The following ZFHX3 variants were observed in gnomAD, a reference collection of about 807,000 sequenced individuals.
The protein encoded by ZFHX3 is zinc finger homeobox 3, also known as zinc finger homeobox protein 3.
Under a neutral mutation model 279.1 loss-of-function variants are expected in ZFHX3, and 42 were observed. That is an observed-to-expected ratio of 0.15 (90% CI 0.12 to 0.19). The LOEUF is 0.19. Ranked by LOEUF, ZFHX3 falls within the 10% of genes least tolerant of loss-of-function variation. ZFHX3 has a pLI of 1.00. For synonymous variants in ZFHX3, 2,293 were observed against 1,957.8 expected, an observed-to-expected ratio of 1.17 and a Z score of -4.52; for missense variants, 4,981 against 4,754.0, an observed-to-expected ratio of 1.05 and a Z score of -1.40.
chr16:73,484,615 G>A (rs1448785606), intron 2 of ZFHX3, among the ~76,000 whole-genome samples: 1 of 152,198 alleles, frequency 6.6e-6, no homozygotes. Context: ...CACCACGGTA[G>A]CAGGGAACTG....
At chr16:73,466,589 C>T (rs895591032) in intron 2 of ZFHX3, among the ~76,000 whole-genome samples, 6 of 151,964 alleles carry the variant, frequency 3.9e-5, no homozygotes, top group African/African-American at 1.2e-4. Flanking sequence ...TTTTCTTATC[C>T]GGAAAAGGGA....
At chr16:72,912,337 T>C (rs1240494929) in intron 3 of ZFHX3, among the ~76,000 whole-genome samples, 2 of 152,210 alleles carry the variant, frequency 1.3e-5, no homozygotes, top group African/African-American at 4.8e-5. Flanking sequence ...TGGGAGGCTT[T>C]AGAAAGACTG....
chr16:73,606,721 T>C (rs1052220124), intron 2 of ZFHX3, among the ~76,000 whole-genome samples: 11 of 152,114 alleles, frequency 7.2e-5, no homozygotes, highest in Non-Finnish European at 1.5e-4. Context: ...TACCTAATGC[T>C]CTCCCGCTAC....
At chr16:73,821,715 A>G (rs544509496) in intron 1 of ZFHX3, among the ~76,000 whole-genome samples, 1 of 152,304 alleles carries the variant, frequency 6.6e-6, no homozygotes, top group African/African-American at 2.4e-5. Flanking sequence ...ATTTGCCTGG[A>G]AATTTGCAGC....
At chr16:73,745,678 G>A (rs1242253153) in intron 1 of ZFHX3, among the ~76,000 whole-genome samples, 1 of 152,116 alleles carries the variant, frequency 6.6e-6, no homozygotes, top group Admixed American at 6.5e-5. Flanking sequence ...TTTTTACCAT[G>A]AACATGCCCT....
chr16:73,284,822 CT>C (rs1017904801), intron 4 of ZFHX3, among the ~76,000 whole-genome samples: 2 of 151,866 alleles, frequency 1.3e-5, no homozygotes, highest in Non-Finnish European at 2.9e-5. Context: ...GGCATATATT[CT>C]TTTTTTTCCC....
At position 73,140,778 on chromosome 16, in the gene ZFHX3, C is replaced by G. The variant is rs563274902; in HGVS notation, c.-1024+2974G>C. On this transcript the variant is annotated intron_variant, in intron 6 of 17. Coordinates refer to the ZFHX3 transcript ENST00000641206. ...CTGAGGCAGGAGAATCAATTGAACC[C>G]GGGAGGTGGAGGTTGCAGTGAGCTG... Among the ~76,000 whole-genome samples, 15 of 152,232 alleles carry G rather than the reference C, an allele frequency of 9.9e-5. No homozygotes were observed. In the East Asian group the frequency reaches 2.9e-3, roughly 29 times the overall value.
intron 2 of ZFHX3, among the ~76,000 whole-genome samples, chr16:73,602,842 G>T (rs1040668843): frequency 7.2e-6 from 1 of 139,078 alleles, no homozygotes; most frequent in African/African-American, 3.2e-5. Context: ...AGGTATTCGG[G>T]AGGCTGAAGC....
chr16:73,364,678 T>G (rs2016498604), intron 3 of ZFHX3, among the ~76,000 whole-genome samples: 1 of 152,178 alleles, frequency 6.6e-6, no homozygotes, highest in South Asian at 2.1e-4. Flanking sequence ...TCTTGTTATA[T>G]AAGGTTTTGA....
chr16:73,327,374 C>T (rs866915630), intron 3 of ZFHX3, among the ~76,000 whole-genome samples: 47 of 152,288 alleles, frequency 3.1e-4, no homozygotes, highest in African/African-American at 1.0e-3. Context: ...TAAACCCACT[C>T]CTACCCTTCA....
At chr16:73,408,887 C>T (rs2017414368) in intron 3 of ZFHX3, among the ~76,000 whole-genome samples, 1 of 152,090 alleles carries the variant, frequency 6.6e-6, no homozygotes, top group African/African-American at 2.4e-5. Flanking sequence ...TCCTCATCTT[C>T]CAGACCTGCT....
At chr16:73,367,882 T>C (rs1008445408) in intron 3 of ZFHX3, among the ~76,000 whole-genome samples, 23 of 151,322 alleles carry the variant, frequency 1.5e-4, no homozygotes, top group Non-Finnish European at 2.9e-4. Context: ...TTTTTTTTTT[T>C]TTTTGAGACA....
At chr16:73,266,412 T>C (rs1341560436) in intron 4 of ZFHX3, among the ~76,000 whole-genome samples, 2 of 152,238 alleles carry the variant, frequency 1.3e-5, no homozygotes, top group African/African-American at 4.8e-5. Flanking sequence ...AGATAACATC[T>C]ATACTTCCCT....
intron 2 of ZFHX3, among the ~76,000 whole-genome samples, chr16:73,678,010 G>T (rs893561819): frequency 1.3e-5 from 2 of 152,024 alleles, no homozygotes; most frequent in Non-Finnish European, 2.9e-5. Context: ...TCCAGTCATT[G>T]TCAAAACCCA....
intron 1 of ZFHX3, among the ~76,000 whole-genome samples, chr16:73,842,625 A>G (rs778398106): frequency 1.5e-4 from 23 of 152,280 alleles, no homozygotes; most frequent in South Asian, 1.5e-3. Flanking sequence ...TATATGCAGG[A>G]CAGTGACAGC....
At chr16:73,781,816 G>T (rs970755093) in intron 1 of ZFHX3, among the ~76,000 whole-genome samples, 7 of 152,040 alleles carry the variant, frequency 4.6e-5, no homozygotes, top group South Asian at 2.1e-4. Context: ...GTGAAACCCC[G>T]TCTCTACTAA....
At chr16:73,781,743 T>C (rs1161656458) in intron 1 of ZFHX3, among the ~76,000 whole-genome samples, 15 of 152,078 alleles carry the variant, frequency 9.9e-5, no homozygotes, top group Non-Finnish European at 1.8e-4. Flanking sequence ...AATTCCAGCA[T>C]TTTGGGAGGC....
intron 5 of ZFHX3, among the ~76,000 whole-genome samples, chr16:73,229,094 G>A (rs1298224674): frequency 6.6e-6 from 1 of 152,142 alleles, no homozygotes; most frequent in Non-Finnish European, 1.5e-5. Context: ...AGTATTGTCA[G>A]AGATAACAAG....
intron 3 of ZFHX3, among the ~76,000 whole-genome samples, chr16:73,340,230 G>A (rs936802281): frequency 6.6e-6 from 1 of 152,210 alleles, no homozygotes. Flanking sequence ...AAAGCAGCAT[G>A]GTGTTGGTGC....
Sources: allele counts gnomAD v4.1 joint callset (sites outside exome capture counted in the v4.1 genomes callset), GRCh38; gene constraint gnomAD v4.1.1; transcripts MANE v1.5; gene names NCBI Gene and HGNC (gene_info 2026-07-23, HGNC 2026-07-21).